The following CERS6 variants were observed in gnomAD, a reference collection of about 807,000 sequenced individuals.
The protein encoded by CERS6 is LAG1 homolog, ceramide synthase 6.
A neutral mutation model predicts 56.8 loss-of-function variants in CERS6; 26 were observed. The observed-to-expected ratio is 0.46, with a 90% CI of 0.34 to 0.63. The LOEUF (loss-of-function observed/expected upper bound fraction) is 0.63, where lower values mean the gene tolerates loss of function less well. CERS6 is among the 30% of genes least tolerant of loss of function. The pLI, the probability that CERS6 is intolerant of heterozygous loss-of-function variation, is 0.01. For synonymous variants in CERS6, 164 were observed against 173.3 expected (o/e 0.95, Z 0.42); for missense variants, 415 against 467.5 (o/e 0.89, Z 1.04).
chr2:168,573,838 A>G (rs1210882896), intron 3 of CERS6, among the ~76,000 whole-genome samples: 1 of 152,094 alleles, frequency 6.6e-6, no homozygotes, highest in Non-Finnish European at 1.5e-5. Flanking sequence ...CCACTAAGTG[A>G]TCTGAAGCCT....
intron 8 of CERS6, among the ~76,000 whole-genome samples, chr2:168,752,442 A>G (rs1289250393): frequency 3.9e-5 from 6 of 152,174 alleles, no homozygotes; most frequent in African/African-American, 1.4e-4. Flanking sequence ...CAACATGGCA[A>G]AATGTGCTGC....
At chr2:168,457,610 T>C (rs1693696917) in intron 1 of CERS6, among the ~76,000 whole-genome samples, 1 of 152,154 alleles carries the variant, frequency 6.6e-6, no homozygotes, top group Non-Finnish European at 1.5e-5. Flanking sequence ...GCCCAATTCA[T>C]CAGTAAAGGC....
intron 1 of CERS6, among the ~76,000 whole-genome samples, chr2:168,476,794 A>C (rs1028578429): frequency 6.6e-6 from 1 of 152,016 alleles, no homozygotes; most frequent in Non-Finnish European, 1.5e-5. Context: ...CCAAGACCCC[A>C]GGCAATTGGA....
Position 168,479,182 on chromosome 2 carries a change from T to C in CERS6, c.170+22564T>C, listed in dbSNP as rs551857777. On this transcript the variant is annotated intron_variant, in intron 1 of 9. Transcript: ENST00000305747. The stretch of plus-strand genomic sequence containing the variant: ...TAACTTTATAATTTATCTTACTAGT[T>C]AGTACTAATTTCTATTCATTTTTAG... Among the ~76,000 whole-genome samples, 5 of 152,308 alleles carry C rather than the reference T, an allele frequency of 3.3e-5. No homozygotes were observed. The East Asian group carries it at 9.7e-4, about 29-fold the overall frequency.
At chr2:168,656,085 T>C (rs1221685669) in intron 4 of CERS6, among the ~76,000 whole-genome samples, 1 of 152,220 alleles carries the variant, frequency 6.6e-6, no homozygotes, top group Non-Finnish European at 1.5e-5. Flanking sequence ...CTCTTTAGTC[T>C]TCTCAAAGCT....
At position 168,774,236 on chromosome 2, in the gene CERS6, G is replaced by A. The variant is rs1415752818; in HGVS notation, c.*4574G>A. The A allele has an allele frequency of 6.6e-6, 1 of 152,216 alleles. No individual in the cohort carries two copies. Among genetic ancestry groups the A allele is most frequent in the Non-Finnish European group, 1.5e-5 (1 of 68,052 alleles). 9.4% of individuals were successfully genotyped at this position (152,216 alleles called of 1,614,324 possible). On this transcript the variant is annotated 3_prime_UTR_variant, in exon 10 of 10. Transcript: ENST00000305747. ...CTGGAGATTGCCCAGAAAGGGATGT[G>A]AGGGGACCGTTAAGATCTGTCTTGC...
At chr2:168,739,124 G>C (rs1365280544) in intron 8 of CERS6, among the ~76,000 whole-genome samples, 1 of 130,650 alleles carries the variant, frequency 7.7e-6, no homozygotes, top group Non-Finnish European at 1.5e-5. Context: ...TCCCAGGCTG[G>C]TCTCAAATTC....
At chr2:168,557,188 A>G (rs1695698719) in intron 2 of CERS6, among the ~76,000 whole-genome samples, 1 of 152,008 alleles carries the variant, frequency 6.6e-6, no homozygotes, top group African/African-American at 2.4e-5. Context: ...ATAATAAAAG[A>G]TTAAGAAAGT....
intron 4 of CERS6, among the ~76,000 whole-genome samples, chr2:168,665,192 A>G (rs1685727107): frequency 6.6e-6 from 1 of 152,150 alleles, no homozygotes; most frequent in African/African-American, 2.4e-5. Context: ...TTTACTGGTA[A>G]ACAGCCACAA....
intron 8 of CERS6, among the ~76,000 whole-genome samples, chr2:168,730,935 A>C (rs1296794299): frequency 6.6e-6 from 1 of 152,190 alleles, no homozygotes; most frequent in Non-Finnish European, 1.5e-5. Flanking sequence ...AATATTTATT[A>C]AAATTGTTCA....
chr2:168,745,845 C>T (rs1034520445), intron 8 of CERS6, among the ~76,000 whole-genome samples: 1 of 152,184 alleles, frequency 6.6e-6, no homozygotes, highest in African/African-American at 2.4e-5. Flanking sequence ...TCTTTCTCTT[C>T]CTACCTTCAA....
chr2:168,637,547 T>G (rs1684890065), intron 4 of CERS6, among the ~76,000 whole-genome samples: 1 of 152,174 alleles, frequency 6.6e-6, no homozygotes, highest in Non-Finnish European at 1.5e-5. Context: ...AGTTGCTTAT[T>G]ACAACTTGTG....
chr2:168,601,033 A>G (rs913765143), intron 3 of CERS6, among the ~76,000 whole-genome samples: 2 of 152,228 alleles, frequency 1.3e-5, no homozygotes, highest in African/African-American at 4.8e-5. Context: ...AATGATTACC[A>G]TAGAATCCAA....
intron 1 of CERS6, among the ~76,000 whole-genome samples, chr2:168,498,619 A>G (rs1476941356): frequency 1.3e-5 from 2 of 152,232 alleles, no homozygotes; most frequent in Non-Finnish European, 2.9e-5. Flanking sequence ...GACTTAACGT[A>G]AATATATTAC....
At chr2:168,620,056 CACACACAT>C (rs777859970) in intron 3 of CERS6, among the ~76,000 whole-genome samples, 5,986 of 128,076 alleles carry the variant, frequency 0.047, 323 homozygotes, top group South Asian at 0.078. Flanking sequence ...CACACACACA[CACACACAT>C]ATTTATATAT....
intron 3 of CERS6, among the ~76,000 whole-genome samples, chr2:168,572,658 C>T (rs2105389861): frequency 1.3e-5 from 2 of 152,234 alleles, no homozygotes; most frequent in East Asian, 3.9e-4. Context: ...TCTTTCCTTT[C>T]CACCTCCAAC....
chr2:168,519,083 G>A (rs1694934011), intron 1 of CERS6, among the ~76,000 whole-genome samples: 3 of 152,126 alleles, frequency 2.0e-5, no homozygotes, highest in African/African-American at 7.2e-5. Flanking sequence ...GCAGTGTTGA[G>A]GATCACTGCT....
At chr2:168,475,361 T>C (rs1164694512) in intron 1 of CERS6, among the ~76,000 whole-genome samples, 1 of 152,160 alleles carries the variant, frequency 6.6e-6, no homozygotes, top group Non-Finnish European at 1.5e-5. Context: ...TGAGCACGGA[T>C]CTTTAAAAAG....
chr2:168,617,011 A>G (rs1574103329), intron 3 of CERS6, among the ~76,000 whole-genome samples: 1 of 152,346 alleles, frequency 6.6e-6, no homozygotes, highest in East Asian at 1.9e-4. Context: ...AATTTAAGGA[A>G]ATTGAAATTA....
Sources: allele counts gnomAD v4.1 joint callset (sites outside exome capture counted in the v4.1 genomes callset), GRCh38; gene constraint gnomAD v4.1.1; transcripts MANE v1.5; gene names NCBI Gene and HGNC (gene_info 2026-07-23, HGNC 2026-07-21).